Variants in AHNAK2 observed in about 807,000 individuals in gnomAD.
AHNAK2 encodes AHNAK nucleoprotein 2, also known as protein AHNAK2.
Under a neutral mutation model 30.7 loss-of-function variants are expected in AHNAK2, and 18 were observed. The observed-to-expected ratio is 0.59, with a 90% confidence interval of 0.41 to 0.87. The LOEUF is 0.87. Ranked by LOEUF, AHNAK2 falls within the 40% of genes least tolerant of loss-of-function variation. The pLI is 0.00. For missense variants in AHNAK2, 8,604 were observed against 7,373.0 expected, an observed-to-expected ratio of 1.17 and a Z score of -6.11; for synonymous variants, 3,590 against 3,073.8, an observed-to-expected ratio of 1.17 and a Z score of -5.56.
chr14:104,949,827 A>T lies in AHNAK2; in HGVS notation c.5624T>A (p.Leu1875His). The T allele has an allele frequency of 1.3e-6, 2 of 1,578,616 alleles. No homozygotes were observed. Among genetic ancestry groups the T allele is most frequent in the Non-Finnish European group, 1.7e-6 (2 of 1,159,518 alleles). ...CTGGACCACCAGGTCTGCAGAAGGG[A>T]GCGGAATGCAGAGGTCCGTGGTCTT... ...DLKTTDLCIP[L>H]PSADLVVQAG... Residue 1875 changes from leucine (L) to histidine (H), a missense_variant, in exon 7 of 7, where the codon CTC (leucine) becomes CAC (histidine). Transcript: ENST00000333244.
Position 104,952,729 on chromosome 14 carries a change from CG to C in AHNAK2, c.2721del (p.Glu908ArgfsTer29). Reference sequence around the variant, plus strand: ...AGGTGCACTTTGGGGCCGGCTCCCTCGGGCACAGGGCCCTCCGGAAGTTTCA... The same window carrying C: ...AGGTGCACTTTGGGGCCGGCTCCCTCGGCACAGGGCCCTCCGGAAGTTTCA... Reference protein sequence around the residue: ...VDVKLPEGPVPEGAGPKVHLP... With the variant: ...VDVKLPEGPVXEGAGPKVHLP... On this transcript the variant is annotated frameshift_variant, in exon 7 of 7. Coordinates refer to ENST00000333244, the MANE Select transcript of AHNAK2 (RefSeq NM_138420.4). LOFTEE classifies it low-confidence loss of function (END_TRUNC). 1 of 1,612,978 alleles carries C rather than the reference CG, an allele frequency of 6.2e-7. No homozygotes were observed. Among genetic ancestry groups the C allele is most frequent in the South Asian group, 1.1e-5 (1 of 91,032 alleles).
At position 104,956,575 on chromosome 14, in the gene AHNAK2, C is replaced by T. The variant is rs1170252555; in HGVS notation, c.315+13G>A. ...GACACACCTCTGTGACCCTCAGCTC[C>T]TGCTGTACCCACCTCTGGACGACTC... is the stretch of plus-strand genomic sequence containing the variant. On this transcript the variant is annotated intron_variant, in intron 4 of 6. Coordinates refer to ENST00000333244, the MANE Select transcript of AHNAK2 (RefSeq NM_138420.4). 1.2e-6 allele frequency: 2 copies of T among 1,613,418 alleles called. No individual in the cohort carries two copies. The highest frequency in any genetic ancestry group is 1.7e-6 in the Non-Finnish European group (2 of 1,179,618).
At chr14:104,968,024 G>A (rs752250574) in intron 1 of AHNAK2, among the ~76,000 whole-genome samples, 4 of 152,192 alleles carry the variant, frequency 2.6e-5, no homozygotes, top group Non-Finnish European at 5.9e-5. Context: ...GTTTGTTGAC[G>A]GTCACCAAAG....
chr14:104,970,860 G>A (rs1899454236), intron 1 of AHNAK2, among the ~76,000 whole-genome samples: 1 of 152,180 alleles, frequency 6.6e-6, no homozygotes, highest in Non-Finnish European at 1.5e-5. Flanking sequence ...TCCTAGGCAG[G>A]CTCTGCACAA....
rs762551576 is a variant in AHNAK2 at position 104,946,122 on chromosome 14, T to G, written c.9329A>C (p.Glu3110Ala). ...GGCTCCTGGGGCCTCGACATCCACCTCCATGCCGGGCTGAGACACCTCCAC... is the reference window on the plus strand; with the variant it reads ...GGCTCCTGGGGCCTCGACATCCACCGCCATGCCGGGCTGAGACACCTCCAC... The part of the protein sequence containing the change: ...PDVEVSQPGM[E>A]VDVEAPGAKL... The change falls in exon 7 of 7, where the codon GAG (glutamate) becomes GCG (alanine). Residue 3110 changes from glutamate to alanine, a missense_variant. Transcript: ENST00000333244. 6.2e-7 allele frequency: 1 copy of G among 1,611,922 alleles called. No homozygotes were observed. Among genetic ancestry groups the G allele is most frequent in the South Asian group, 1.1e-5 (1 of 90,968 alleles).
rs1898905842 is a variant in AHNAK2 at position 104,954,417 on chromosome 14, C to T, written c.1034G>A (p.Gly345Glu). The T allele has an allele frequency of 1.2e-6, 2 of 1,612,902 alleles. No individual in the cohort carries two copies. The highest frequency in any genetic ancestry group is 2.2e-5 in the South Asian group (2 of 91,050). ...GPSSTGQPGR[G>E]FQSGVGRAGV... Reference sequence around the variant, plus strand: ...AGCACGGCCCACCCCACTCTGGAACCCCCTGCCTGGCTGTCCTGTCGATGA... The same window carrying T: ...AGCACGGCCCACCCCACTCTGGAACTCCCTGCCTGGCTGTCCTGTCGATGA... Residue 345 changes from glycine to glutamate, a missense_variant, in exon 7 of 7, where the codon GGG becomes GAG. Coordinates refer to ENST00000333244, the MANE Select transcript of AHNAK2 (RefSeq NM_138420.4). The surrounding 1 kb of genome is among the most constrained non-coding windows in gnomAD (Gnocchi z 4.3).
intron 5 of AHNAK2, 51 bp from the exon 6 acceptor site, chr14:104,955,192 T>A: frequency 6.4e-7 from 1 of 1,553,018 alleles, no homozygotes; most frequent in Non-Finnish European, 8.7e-7. Context: ...TGAGACGGGG[T>A]CTGCTGTCTT....
At position 104,944,943 on chromosome 14, in the gene AHNAK2, A is replaced by G. The variant is rs199559765; in HGVS notation, c.10508T>C (p.Val3503Ala). 538 of 1,610,634 alleles carry G rather than the reference A, an allele frequency of 3.3e-4. 3 individuals are homozygous for G. In the African/African-American group the frequency reaches 5.7e-3, roughly 17 times the overall value. Reference protein sequence around the residue: ...EASLDVSAPKVEADVSLSSMQ... With the variant: ...EASLDVSAPKAEADVSLSSMQ... Reference sequence around the variant, plus strand: ...GGAGGAGAGGCTCACGTCGGCCTCCACCTTCGGCGCAGACACATCCAGCGA... The same window carrying G: ...GGAGGAGAGGCTCACGTCGGCCTCCGCCTTCGGCGCAGACACATCCAGCGA... The change falls in exon 7 of 7, where the codon GTG becomes GCG. Residue 3503 changes from valine to alanine, a missense_variant. Coordinates refer to ENST00000333244, the MANE Select transcript of AHNAK2 (RefSeq NM_138420.4).
At position 104,954,915 on chromosome 14, in the gene AHNAK2, G is replaced by C. The variant is rs749956700; in HGVS notation, c.651+42C>G. 2 of 508,142 alleles carry C rather than the reference G, an allele frequency of 3.9e-6. No individual in the cohort carries two copies. The highest frequency in any genetic ancestry group is 6.2e-6 in the Non-Finnish European group (2 of 322,856). 31.5% of individuals were successfully genotyped at this position (508,142 alleles called of 1,614,324 possible). A position where few individuals can be genotyped will look rare whatever the true frequency, so the allele number is the denominator to read the frequency against. ...TCCCAGGCTCAGCCAGCAGGGTAGT[G>C]AAGCCAGCTGGGGCCCTGCCCCCCG... is the stretch of plus-strand genomic sequence containing the variant. On this transcript the variant is annotated intron_variant, in intron 6 of 6. Transcript: ENST00000333244. This position sits in a 1 kb window ranked among gnomAD's most constrained non-coding sequence, Gnocchi z 4.3.
chr14:104,958,565 A>AT lies in AHNAK2; in HGVS notation c.56-894dup, dbSNP rs199516944. 9.2e-3 allele frequency among the ~76,000 whole-genome samples: 1,397 copies of AT among 152,340 alleles called. 18 individuals are homozygous for AT. Among genetic ancestry groups the AT allele is most frequent in the African/African-American group, 0.032 (1,321 of 41,582 alleles). On this transcript the variant is annotated intron_variant, in intron 1 of 6. Transcript: ENST00000333244. ...AGAATCTCATAAAGAAATAAAACTTATTTTTTAAAAGCAAGCAAAAATTCT... is the reference window on the plus strand; with the variant it reads ...AGAATCTCATAAAGAAATAAAACTTATTTTTTTAAAAGCAAGCAAAAATTCT...
rs1204577449 is a variant in AHNAK2, at chr14:104,940,917, T to G, written c.14534A>C (p.His4845Pro). 6.2e-7 allele frequency: 1 copy of G among 1,612,518 alleles called. No homozygotes were observed. Among genetic ancestry groups the G allele is most frequent in the Non-Finnish European group, 8.5e-7 (1 of 1,179,564 alleles). The change falls in exon 7 of 7, where the codon CAC becomes CCC. Residue 4845 changes from histidine to proline, a missense_variant. By Grantham distance (77) the His-to-Pro change is moderately conservative. Transcript: ENST00000333244. The surrounding 1 kb of genome is among the most constrained non-coding windows in gnomAD (Gnocchi z 4.4). ...EGVPTSQAES[H>P]SGPLNSMIPV... Reference sequence around the variant, plus strand: ...AATCATGGAATTCAGTGGGCCAGAGTGACTCTCAGCTTGAGATGTTGGAAC... The same window carrying G: ...AATCATGGAATTCAGTGGGCCAGAGGGACTCTCAGCTTGAGATGTTGGAAC...
At position 104,952,442 on chromosome 14, in the gene AHNAK2, G is replaced by A; in HGVS notation, c.3009C>T (p.Phe1003=). 6.2e-7 allele frequency: 1 copy of A among 1,612,712 alleles called. No homozygotes were observed. The highest frequency in any genetic ancestry group is 8.5e-7 in the Non-Finnish European group (1 of 1,179,594). ...CCGATACCCCGAACGACGGCATCTT[G>A]AACTTGGGCATTTTGAACTTGCTGT... The part of the protein sequence containing the change: ...AKDSKFKMPK[F]KMPSFGVSAP... The change falls in exon 7 of 7, where the codon TTC becomes TTT. Residue 1003 remains phenylalanine, a synonymous_variant. Coordinates refer to ENST00000333244, the MANE Select transcript of AHNAK2 (RefSeq NM_138420.4).
At position 104,952,496 on chromosome 14, in the gene AHNAK2, G is replaced by T; in HGVS notation, c.2955C>A (p.Ser985=). 6.2e-7 allele frequency: 1 copy of T among 1,612,722 alleles called. No individual in the cohort carries two copies. Among genetic ancestry groups the T allele is most frequent in the South Asian group, 1.1e-5 (1 of 91,006 alleles). Residue 985 remains serine (S), a synonymous_variant, in exon 7 of 7, where the codon TCC becomes TCA. Coordinates refer to ENST00000333244, the MANE Select transcript of AHNAK2 (RefSeq NM_138420.4). The part of the protein sequence containing the change: ...LDGAWLEGDL[S]LADKDVTAKD... ...TGGCAGTCACGTCCTTGTCGGCCAG[G>T]GACAGGTCCCCCTCCAGCCACGCAC...
Position 104,954,375 on chromosome 14 carries a change from A to C in AHNAK2, c.1076T>G (p.Leu359Trp). ...CTCGAGGCTATCACCCCAGGGCCCC[A>C]ACTCTTCCAGGACCCCAGCACGGCC... The part of the protein sequence containing the change: ...GVGRAGVLEE[L>W]GPWGDSLEET... The change falls in exon 7 of 7, where the codon TTG becomes TGG. Residue 359 changes from leucine to tryptophan, a missense_variant. Leu to Trp is a moderately conservative substitution (Grantham distance 61). Coordinates refer to ENST00000333244, the MANE Select transcript of AHNAK2 (RefSeq NM_138420.4). The surrounding 1 kb of genome is among the most constrained non-coding windows in gnomAD (Gnocchi z 4.3). The C allele has an allele frequency of 6.2e-7, 1 of 1,613,032 alleles. No individual in the cohort carries two copies. Among genetic ancestry groups the C allele is most frequent in the Non-Finnish European group, 8.5e-7 (1 of 1,179,776 alleles).
rs1295654671 is a variant in AHNAK2, at chr14:104,954,271, G to T, written c.1180C>A (p.Pro394Thr). Residue 394 changes from proline to threonine, a missense_variant, in exon 7 of 7, where the codon CCA becomes ACA. Coordinates refer to ENST00000333244, the MANE Select transcript of AHNAK2 (RefSeq NM_138420.4). The surrounding 1 kb of genome is among the most constrained non-coding windows in gnomAD (Gnocchi z 4.3). ...GGGTCACCGAGCTCTGTGGGCAATG[G>T]CATGCTCTGAGCAGGCATCACTTCT... Reference protein sequence around the residue: ...DREVMPAQSMPLPTELGDPRL... With the variant: ...DREVMPAQSMTLPTELGDPRL... 2 of 1,613,210 alleles carry T rather than the reference G, an allele frequency of 1.2e-6. No individual in the cohort carries two copies. Among genetic ancestry groups the T allele is most frequent in the African/African-American group, 1.3e-5 (1 of 75,020 alleles).
intron 1 of AHNAK2, among the ~76,000 whole-genome samples, chr14:104,964,516 A>G (rs1172749040): frequency 6.6e-6 from 1 of 152,198 alleles, no homozygotes; most frequent in East Asian, 1.9e-4. Flanking sequence ...ATGCAGGAAC[A>G]TCCATCTCAG....
rs914046977 is a variant in AHNAK2, at chr14:104,948,101, C to T, written c.7350G>A (p.Glu2450=). 6.8e-6 allele frequency: 11 copies of T among 1,612,864 alleles called. No homozygotes were observed. The highest frequency in any genetic ancestry group is 9.3e-6 in the Non-Finnish European group (11 of 1,179,710). ...PDVEVSQPSV[E]VDVEAPGAKL... ...TGGCTCCCGGGGCCTCGACATCCAC[C>T]TCCACGCTGGGCTGAGACACCTCCA... The change falls in exon 7 of 7, where the codon GAG becomes GAA. Residue 2450 remains glutamate, a synonymous_variant. Transcript: ENST00000333244.
In AHNAK2 at chr14:104,948,943, T is replaced by C. The variant is rs560034203; in HGVS notation, c.6508A>G (p.Lys2170Glu). 72 of 1,290,642 alleles carry C rather than the reference T, an allele frequency of 5.6e-5. 5 individuals carry two copies. In the East Asian group the frequency reaches 5.9e-4, roughly 11 times the overall value. 79.9% of individuals were successfully genotyped at this position (1,290,642 alleles called of 1,614,324 possible). The stretch of plus-strand genomic sequence containing the variant: ...ACATCCACCGAGGCCTCGATGGACT[T>C]GCCTGGGGCAGACACCCCAAACGAC... ...MPSFGVSAPG[K>E]SIEASVDVSP... Residue 2170 changes from lysine to glutamate, a missense_variant, in exon 7 of 7, where the codon AAG (lysine) becomes GAG (glutamate). Physicochemically the swap from Lys to Glu is moderately conservative, Grantham distance 56. Transcript: ENST00000333244.
In AHNAK2 at chr14:104,954,970, C is replaced by A. The variant is rs1292069049; in HGVS notation, c.638G>T (p.Gly213Val). 6.2e-7 allele frequency: 1 copy of A among 1,612,722 alleles called. No homozygotes were observed. The highest frequency in any genetic ancestry group is 2.2e-5 in the East Asian group (1 of 44,878). Residue 213 changes from glycine to valine, a missense_variant, in exon 6 of 7, where the codon GGC (glycine) becomes GTC (valine). Transcript: ENST00000333244. The surrounding 1 kb of genome is among the most constrained non-coding windows in gnomAD (Gnocchi z 4.3). ...TAGTGGTCTCACCTCCTTCTCCTTG[C>A]CCTGTGGGCCGTGCTGGGCATCGCT... ...ASSDAQHGPQ[G>V]KEKEDTDVAD...
Sources: allele counts gnomAD v4.1 joint callset (sites outside exome capture counted in the v4.1 genomes callset), GRCh38; gene constraint gnomAD v4.1.1; non-coding constraint Gnocchi (gnomAD v3.1); transcripts MANE v1.5; gene names NCBI Gene and HGNC (gene_info 2026-07-23, HGNC 2026-07-21).